MIPOL1: variants seen among roughly 807,000 people sequenced by gnomAD.
The protein encoded by MIPOL1 is mirror-image polydactyly gene 1 protein.
In MIPOL1, 57 loss-of-function variants were observed where a neutral mutation model predicts 60.9. That is an observed-to-expected ratio of 0.94 (90% CI 0.76 to 1.17). The LOEUF (loss-of-function observed/expected upper bound fraction) is 1.17, where lower values mean the gene tolerates loss of function less well. MIPOL1 is among the 50% of genes most tolerant of loss of function. The pLI is 0.00. For missense variants in MIPOL1, 551 were observed against 511.6 expected (o/e 1.08, Z -0.74); for synonymous variants, 179 against 168.8 (o/e 1.06, Z -0.47).
chr14:37,296,730 A>C (rs928576262), intron 7 of MIPOL1, among the ~76,000 whole-genome samples: 5 of 152,196 alleles, frequency 3.3e-5, no homozygotes, highest in Admixed American at 3.3e-4. Flanking sequence ...TCCTGGACAC[A>C]TACACCCTCC....
At chr14:37,337,352 ATATATTTTTTTT>A (rs1349479191) in intron 9 of MIPOL1, among the ~76,000 whole-genome samples, 4 of 35,444 alleles carry the variant, frequency 1.1e-4, no homozygotes, top group South Asian at 1.3e-3. Flanking sequence ...ATATATATAT[ATATATTTTTTTT>A]TTTTTTTTTT....
chr14:37,398,901 A>G (rs926291320), intron 10 of MIPOL1, among the ~76,000 whole-genome samples: 4 of 152,166 alleles, frequency 2.6e-5, no homozygotes, highest in Non-Finnish European at 4.4e-5. Flanking sequence ...AGTCTTTTTT[A>G]TGATTTCTTG....
chr14:37,309,434 CTCTT>C (rs2087101837), intron 9 of MIPOL1, among the ~76,000 whole-genome samples: 1 of 152,066 alleles, frequency 6.6e-6, no homozygotes, highest in Admixed American at 6.6e-5. Flanking sequence ...ATTCCAATGT[CTCTT>C]TCTTCAGCCT....
chr14:37,469,774 A>T (rs2153588136), intron 11 of MIPOL1, among the ~76,000 whole-genome samples: 2 of 152,280 alleles, frequency 1.3e-5, no homozygotes, highest in African/African-American at 4.8e-5. Flanking sequence ...TCCTAAAAAA[A>T]AGGATAAGGT....
chr14:37,524,171 T>A (rs1307843373), intron 12 of MIPOL1, among the ~76,000 whole-genome samples: 1 of 152,194 alleles, frequency 6.6e-6, no homozygotes, highest in Non-Finnish European at 1.5e-5. Context: ...ATATTCTGAT[T>A]TGCATTTTTA....
At chr14:37,460,189 GGGAGGCAAAGATGGTTCAACAT>G (rs1415152157) in intron 11 of MIPOL1, among the ~76,000 whole-genome samples, 7 of 152,188 alleles carry the variant, frequency 4.6e-5, no homozygotes, top group Non-Finnish European at 1.0e-4. Flanking sequence ...TTTCATTCCA[GGGAGGCAAAGATGGTTCAACAT>G]ATGCAAATCA....
chr14:37,268,675 A>T lies in MIPOL1; in HGVS notation c.269A>T (p.His90Leu). ...TEKYNVMEHR[H>L]NDMHYECMTP... The stretch of plus-strand genomic sequence containing the variant: ...TATTACAGCGTTATGGAACATAGAC[A>T]TAATGATATGCATTATGAATGTATG... The change falls in exon 5 of 13, where the codon CAT becomes CTT. Residue 90 changes from histidine to leucine, a missense_variant. Transcript: ENST00000684589. 1.3e-6 allele frequency: 2 copies of T among 1,595,544 alleles called. No individual in the cohort carries two copies. Among genetic ancestry groups the T allele is most frequent in the Non-Finnish European group, 1.7e-6 (2 of 1,171,518 alleles).
intron 3 of MIPOL1, among the ~76,000 whole-genome samples, chr14:37,264,717 C>T (rs895955478): frequency 2.0e-5 from 3 of 151,964 alleles, no homozygotes; most frequent in Non-Finnish European, 4.4e-5. Context: ...AGGTAAAGGG[C>T]ATACAGTAAT....
chr14:37,226,504 A>G (rs1969765504), intron 1 of MIPOL1, among the ~76,000 whole-genome samples: 1 of 152,128 alleles, frequency 6.6e-6, no homozygotes, highest in Non-Finnish European at 1.5e-5. Flanking sequence ...ATCAGATCTC[A>G]TGAGACTTAT....
At chr14:37,340,636 C>A (rs535184647) in intron 9 of MIPOL1, among the ~76,000 whole-genome samples, 3 of 150,948 alleles carry the variant, frequency 2.0e-5, no homozygotes, top group Non-Finnish European at 4.4e-5. Context: ...GAGATTGAGG[C>A]TGCAGTGAGC....
At chr14:37,269,923 G>A (rs904566062) in intron 5 of MIPOL1, among the ~76,000 whole-genome samples, 1 of 152,180 alleles carries the variant, frequency 6.6e-6, no homozygotes, top group Non-Finnish European at 1.5e-5. Flanking sequence ...CGCCTCCTGG[G>A]TTCAAGCAAT....
intron 12 of MIPOL1, among the ~76,000 whole-genome samples, chr14:37,526,391 A>T (rs2095446780): frequency 7.2e-6 from 1 of 139,106 alleles, no homozygotes. Flanking sequence ...TTTTTTTGAG[A>T]CGGAGTCTCG....
intron 11 of MIPOL1, among the ~76,000 whole-genome samples, chr14:37,471,206 G>A (rs562281810): frequency 2.0e-5 from 3 of 152,248 alleles, no homozygotes; most frequent in Admixed American, 1.3e-4. Flanking sequence ...AGCAAACATA[G>A]ACAATTTGAT....
In MIPOL1 at chr14:37,375,031, A is replaced by G. The variant is rs371663138; in HGVS notation, c.936+5407A>G. 2.9e-3 allele frequency among the ~76,000 whole-genome samples: 441 copies of G among 152,146 alleles called. 2 individuals carry two copies. The highest frequency in any genetic ancestry group is 0.01 in the African/African-American group (420 of 41,508). On this transcript the variant is annotated intron_variant, in intron 10 of 12. Coordinates refer to ENST00000684589, the MANE Select transcript of MIPOL1 (RefSeq NM_001388067.1). The stretch of plus-strand genomic sequence containing the variant: ...ATCCATGAGCATGGAATGTTTTTCC[A>G]TTTATTTGTGTCCTCTTTTATTTTG...
chr14:37,309,285 A>G (rs998858452), intron 9 of MIPOL1, among the ~76,000 whole-genome samples: 1 of 151,812 alleles, frequency 6.6e-6, no homozygotes, highest in Non-Finnish European at 1.5e-5. Flanking sequence ...GTGTTTTCAG[A>G]TCAATGTCTT....
intron 9 of MIPOL1, among the ~76,000 whole-genome samples, chr14:37,347,972 C>T (rs565900287): frequency 2.0e-5 from 3 of 152,148 alleles, no homozygotes; most frequent in South Asian, 4.1e-4. Context: ...GGGTATACTG[C>T]GTGATACTGA....
chr14:37,289,274 G>A (rs74047275), intron 7 of MIPOL1, among the ~76,000 whole-genome samples: 9 of 152,270 alleles, frequency 5.9e-5, no homozygotes, highest in African/African-American at 2.2e-4. Flanking sequence ...CACACACCAA[G>A]CAAGTAATCA....
At chr14:37,217,462 ATC>A (rs1192258523) in intron 1 of MIPOL1, among the ~76,000 whole-genome samples, 1 of 152,198 alleles carries the variant, frequency 6.6e-6, no homozygotes, top group African/African-American at 2.4e-5. Context: ...CCACAGTCCA[ATC>A]TCTCTGATGG....
At chr14:37,468,400 A>G (rs2094630881) in intron 11 of MIPOL1, among the ~76,000 whole-genome samples, 1 of 152,132 alleles carries the variant, frequency 6.6e-6, no homozygotes. Flanking sequence ...TCATGAAGTT[A>G]GTTTTGCTTA....
Sources: gnomAD v4.1 joint callset for allele counts (sites outside exome capture counted in the v4.1 genomes callset) on GRCh38, gnomAD v4.1.1 for gene constraint, MANE v1.5 for transcripts, NCBI Gene and HGNC (gene_info 2026-07-23, HGNC 2026-07-21) for gene names.